MLF2: variants seen among roughly 807,000 people sequenced by gnomAD.
MLF2 encodes myeloid leukemia factor 2, also known as myelodysplasia-myeloid leukemia factor 2.
Under a neutral mutation model 31.4 loss-of-function variants are expected in MLF2, and 12 were observed. That is an observed-to-expected ratio of 0.38 (90% confidence interval 0.24 to 0.62). The LOEUF (loss-of-function observed/expected upper bound fraction) is 0.62. MLF2 is among the 20% of genes least tolerant of loss of function. The pLI is 0.58. For synonymous variants in MLF2, 109 were observed against 118.8 expected (o/e 0.92, Z 0.54); for missense variants, 272 against 359.7 (o/e 0.76, Z 1.97).
At chr12:6,751,540 G>T in intron 4 of MLF2, 101 bp downstream of exon 4, 1 of 1,305,732 alleles carries the variant, frequency 7.7e-7, no homozygotes, top group Non-Finnish European at 1.1e-6. Context: ...GAAGATTCTG[G>T]GGTTACTCAT....
chr12:6,751,396 T>C (rs142332705), intron 4 of MLF2, among the ~76,000 whole-genome samples: 3,520 of 152,164 alleles, frequency 0.023, 52 homozygotes, highest in Non-Finnish European at 0.033. Flanking sequence ...TTTCACCATG[T>C]TGGCCAGTCT....
rs775378226 is a variant in MLF2, at chr12:6,750,696, T to A, written c.270+17A>T. 5.6e-5 allele frequency: 90 copies of A among 1,613,182 alleles called. No homozygotes were observed. The highest frequency in any genetic ancestry group is 7.0e-5 in the Non-Finnish European group (83 of 1,179,330). On this transcript the variant is annotated intron_variant, in intron 5 of 8. Coordinates refer to ENST00000203630, the MANE Select transcript of MLF2 (RefSeq NM_001382226.1). This position sits in a 1 kb window ranked among gnomAD's most constrained non-coding sequence, Gnocchi z 5.3. ...CACTGAGAGCAAGGCCGGGGAAGGG[T>A]ATGGGGCAAGTCTCACCATGTTTCC...
Position 6,750,719 on chromosome 12 carries a change from T to A in MLF2, c.264A>T (p.Gly88=). 1.2e-6 allele frequency: 2 copies of A among 1,614,040 alleles called. No homozygotes were observed. The highest frequency in any genetic ancestry group is 1.7e-6 in the Non-Finnish European group (2 of 1,179,960). Residue 88 remains glycine (G), a synonymous_variant, in exon 5 of 9, where the codon GGA becomes GGT. Coordinates refer to ENST00000203630, the MANE Select transcript of MLF2 (RefSeq NM_001382226.1). This position sits in a 1 kb window ranked among gnomAD's most constrained non-coding sequence, Gnocchi z 5.3. ...DMFGMMNDMI[G]NMEHMTAGGN... ...GGTATGGGGCAAGTCTCACCATGTTTCCAATCATGTCATTCATCATCCCAA... is the reference window on the plus strand; with the variant it reads ...GGTATGGGGCAAGTCTCACCATGTTACCAATCATGTCATTCATCATCCCAA...
At position 6,749,080 on chromosome 12, in the gene MLF2, G is replaced by A. The variant is rs1016546176; in HGVS notation, c.560-98C>T. On this transcript the variant is annotated intron_variant, in intron 7 of 8. Transcript: ENST00000203630. The surrounding 1 kb of genome is among the most constrained non-coding windows in gnomAD (Gnocchi z 5.3). The stretch of plus-strand genomic sequence containing the variant: ...AGCTTTTCGGGCCAAAGCGGCGAAG[G>A]CTGAGTGTGCGTGCAGGGATGGGTG... The A allele has an allele frequency of 1.5e-6, 2 of 1,310,058 alleles. No individual in the cohort carries two copies. The highest frequency in any genetic ancestry group is 3.0e-5 in the East Asian group (1 of 33,832). 81.2% of individuals were successfully genotyped at this position (1,310,058 alleles called of 1,614,324 possible).
chr12:6,751,590 A>G, intron 4 of MLF2, 51 bp downstream of exon 4: 1 of 1,577,104 alleles, frequency 6.3e-7, no homozygotes, highest in Non-Finnish European at 8.7e-7. Context: ...ATAATATCTA[A>G]GGGTAGAGAG....
rs1160273627 is a variant in MLF2 at position 6,749,790 on chromosome 12, G to T, written c.559+58C>A. The stretch of plus-strand genomic sequence containing the variant: ...GCCCCAGAAGTGTCTATGTGTTAGG[G>T]ATGTCCACGGGAACCGGGTTAGGGG... On this transcript the variant is annotated intron_variant, in intron 7 of 8. Coordinates refer to ENST00000203630, the MANE Select transcript of MLF2 (RefSeq NM_001382226.1). This position sits in a 1 kb window ranked among gnomAD's most constrained non-coding sequence, Gnocchi z 5.3. The T allele has an allele frequency of 1.9e-6, 3 of 1,602,106 alleles. No homozygotes were observed. In the Admixed American group the frequency reaches 5.0e-5, roughly 27 times the overall value.
In MLF2 at chr12:6,749,982, C is replaced by T. The variant is rs1237996260; in HGVS notation, c.425G>A (p.Arg142Gln). 4 of 1,614,200 alleles carry T rather than the reference C, an allele frequency of 2.5e-6. No individual in the cohort carries two copies. Among genetic ancestry groups the T allele is most frequent in the East Asian group, 2.2e-5 (1 of 44,882 alleles). Residue 142 changes from arginine (R) to glutamine (Q), a missense_variant, in exon 7 of 9, where the codon CGG becomes CAG. Arg to Gln is a conservative substitution (Grantham distance 43, BLOSUM62 1). Coordinates refer to ENST00000203630, the MANE Select transcript of MLF2 (RefSeq NM_001382226.1). The surrounding 1 kb of genome is among the most constrained non-coding windows in gnomAD (Gnocchi z 5.3). ...GGIRETRRTV[R>Q]DSDSGLEQMS... Reference sequence around the variant, plus strand: ...CTGCTCCAGTCCACTGTCTGAATCCCGAACAGTCCTCCGTGTCTCCCGGAT... The same window carrying T: ...CTGCTCCAGTCCACTGTCTGAATCCTGAACAGTCCTCCGTGTCTCCCGGAT...
rs1025077365 is a variant in MLF2, at chr12:6,749,874, C to T, written c.533G>A (p.Arg178Gln). ...CTCATCCAGGTTGATATAGTCCTGCCGCTCCTCCTGGTCCCCCGTGCGATG... is the reference window on the plus strand; with the variant it reads ...CTCATCCAGGTTGATATAGTCCTGCTGCTCCTCCTGGTCCCCCGTGCGATG... Reference protein sequence around the residue: ...RNHRTGDQEERQDYINLDESE... With the variant: ...RNHRTGDQEEQQDYINLDESE... The change falls in exon 7 of 9, where the codon CGG becomes CAG. Residue 178 changes from arginine to glutamine, a missense_variant. Transcript: ENST00000203630. This position sits in a 1 kb window ranked among gnomAD's most constrained non-coding sequence, Gnocchi z 5.3. The T allele has an allele frequency of 6.8e-6, 11 of 1,614,176 alleles. No individual in the cohort carries two copies. Among genetic ancestry groups the T allele is most frequent in the African/African-American group, 1.3e-5 (1 of 75,052 alleles).
rs117967306 is a variant in MLF2, at chr12:6,750,057, G to A, written c.400-50C>T. ...ACTCAGCCGCCCCTTCCAAAGCCCT[G>A]CCTATACCATCTCAGGATAAACACA... On this transcript the variant is annotated intron_variant, in intron 6 of 8. Coordinates refer to ENST00000203630, the MANE Select transcript of MLF2 (RefSeq NM_001382226.1). The surrounding 1 kb of genome is among the most constrained non-coding windows in gnomAD (Gnocchi z 5.3). 1.2e-6 allele frequency: 2 copies of A among 1,612,124 alleles called. No individual in the cohort carries two copies. Among genetic ancestry groups the A allele is most frequent in the Non-Finnish European group, 1.7e-6 (2 of 1,178,676 alleles).
Position 6,752,733 on chromosome 12 carries a change from C to CGAGA in MLF2, c.-29+205_-29+206insTCTC. On this transcript the variant is annotated intron_variant, in intron 1 of 8. Transcript: ENST00000203630. The surrounding 1 kb of genome is among the most constrained non-coding windows in gnomAD (Gnocchi z 4.6). ...TTAATGACCCCAGTCACCCCGCCCCCTCCTTACACTCAGGCCTCCCCCAGG... is the reference window on the plus strand; with the variant it reads ...TTAATGACCCCAGTCACCCCGCCCCCGAGATCCTTACACTCAGGCCTCCCCCAGG... 2.2e-5 allele frequency: 4 copies of CGAGA among 184,910 alleles called. No homozygotes were observed. The highest frequency in any genetic ancestry group is 1.7e-4 in the Admixed American group (3 of 17,614). The allele number at this position is 184,910 out of a possible 1,614,324, so 11.5% of individuals were successfully genotyped here.
rs975134755 is a variant in MLF2, at chr12:6,750,567, A to G, written c.270+146T>C. The G allele has an allele frequency of 2.0e-6, 2 of 1,016,056 alleles. No individual in the cohort carries two copies. The highest frequency in any genetic ancestry group is 2.9e-6 in the Non-Finnish European group (2 of 679,174). 62.9% of individuals were successfully genotyped at this position (1,016,056 alleles called of 1,614,324 possible). On this transcript the variant is annotated intron_variant, in intron 5 of 8. Coordinates refer to ENST00000203630, the MANE Select transcript of MLF2 (RefSeq NM_001382226.1). The surrounding 1 kb of genome is among the most constrained non-coding windows in gnomAD (Gnocchi z 5.3). The stretch of plus-strand genomic sequence containing the variant: ...TTCAGGCAGGCATGACAGCAGGTAC[A>G]GGGTCCCAAGGCTCTCTGGTTCAAT...
In MLF2 at chr12:6,749,969, A is replaced by G. The variant is rs1177606868; in HGVS notation, c.438T>C (p.Ser146=). Residue 146 remains serine (S), a synonymous_variant, in exon 7 of 9, where the codon AGT becomes AGC. Transcript: ENST00000203630. The surrounding 1 kb of genome is among the most constrained non-coding windows in gnomAD (Gnocchi z 5.3). The part of the protein sequence containing the change: ...ETRRTVRDSD[S]GLEQMSIGHH... Reference sequence around the variant, plus strand: ...GCCCAATGGACATCTGCTCCAGTCCACTGTCTGAATCCCGAACAGTCCTCC... The same window carrying G: ...GCCCAATGGACATCTGCTCCAGTCCGCTGTCTGAATCCCGAACAGTCCTCC... The G allele has an allele frequency of 1.2e-6, 2 of 1,614,158 alleles. No individual in the cohort carries two copies. The highest frequency in any genetic ancestry group is 1.7e-5 in the Admixed American group (1 of 60,008).
chr12:6,752,423 T>A lies in MLF2; in HGVS notation c.-28-61A>T. On this transcript the variant is annotated intron_variant, in intron 1 of 8. Transcript: ENST00000203630. The surrounding 1 kb of genome is among the most constrained non-coding windows in gnomAD (Gnocchi z 4.6). ...GCCAGGGTTTTGCACACCCACTCAG[T>A]GTGGGGACTCTCAGAGCACTGTCCT... 1 of 1,343,552 alleles carries A rather than the reference T, an allele frequency of 7.4e-7. No individual in the cohort carries two copies. Among genetic ancestry groups the A allele is most frequent in the Non-Finnish European group, 1.0e-6 (1 of 963,154 alleles). The allele number at this position is 1,343,552 out of a possible 1,614,324, so 83.2% of individuals were successfully genotyped here.
In MLF2 at chr12:6,752,222, G is replaced by A; in HGVS notation, c.50+63C>T. On this transcript the variant is annotated intron_variant, in intron 2 of 8. Transcript: ENST00000203630. This position sits in a 1 kb window ranked among gnomAD's most constrained non-coding sequence, Gnocchi z 4.6. ...AACCATTCCTAGCAATGGGAACCCC[G>A]ATGTCTGCCTGAACTGCTCAGAGAC... 6.5e-7 allele frequency: 1 copy of A among 1,541,022 alleles called. No homozygotes were observed. The highest frequency in any genetic ancestry group is 1.2e-5 in the South Asian group (1 of 84,604).
Position 6,748,826 on chromosome 12 carries a change from G to C in MLF2, c.716C>G (p.Pro239Arg), listed in dbSNP as rs750755543. Reference sequence around the variant, plus strand: ...GTCATAGCGGCGGGACTGTCGGGAAGGGGAGTCCTCAGGTCCCTGGATGGC... The same window carrying C: ...GTCATAGCGGCGGGACTGTCGGGAACGGGAGTCCTCAGGTCCCTGGATGGC... Reference protein sequence around the residue: ...RLAIQGPEDSPSRQSRRYDW With the variant: ...RLAIQGPEDSRSRQSRRYDW The change falls in exon 8 of 9, where the codon CCT (proline) becomes CGT (arginine). Residue 239 changes from proline (P) to arginine (R), a missense_variant. Pro to Arg is a moderately radical substitution (Grantham distance 103, BLOSUM62 -2). Transcript: ENST00000203630. The surrounding 1 kb of genome is among the most constrained non-coding windows in gnomAD (Gnocchi z 4.6). 7.1e-6 allele frequency: 11 copies of C among 1,553,376 alleles called. No individual in the cohort carries two copies. The highest frequency in any genetic ancestry group is 7.8e-6 in the Non-Finnish European group (9 of 1,158,002).
At position 6,752,634 on chromosome 12, in the gene MLF2, G is replaced by T; in HGVS notation, c.-28-272C>A. 1 of 341,148 alleles carries T rather than the reference G, an allele frequency of 2.9e-6. No homozygotes were observed. The highest frequency in any genetic ancestry group is 2.1e-5 in the African/African-American group (1 of 47,988). 21.1% of individuals were successfully genotyped at this position (341,148 alleles called of 1,614,324 possible). On this transcript the variant is annotated intron_variant, in intron 1 of 8. Transcript: ENST00000203630. The surrounding 1 kb of genome is among the most constrained non-coding windows in gnomAD (Gnocchi z 4.6). ...CATCCTCTTCCCAAAGCTCTGGCCG[G>T]TAGCATACTCTCCCCTCCTCCCGCC...
Position 6,748,732 on chromosome 12 carries a change from C to G in MLF2, c.*25+38G>C. The G allele has an allele frequency of 7.0e-7, 1 of 1,429,592 alleles. No individual in the cohort carries two copies. Among genetic ancestry groups the G allele is most frequent in the South Asian group, 1.6e-5 (1 of 63,668 alleles). The allele number at this position is 1,429,592 out of a possible 1,614,324, so 88.6% of individuals were successfully genotyped here. On this transcript the variant is annotated intron_variant, in intron 8 of 8. Transcript: ENST00000203630. This position sits in a 1 kb window ranked among gnomAD's most constrained non-coding sequence, Gnocchi z 4.6. ...GCCTGCCTTGCAGCCGAGGACCGTC[C>G]GCAGGTGCACCCCACCCTCCTTACT...
In MLF2 at chr12:6,749,587, T is replaced by C. The variant is rs1236430188; in HGVS notation, c.559+261A>G. Among the ~76,000 whole-genome samples, 2 of 152,182 alleles carry C rather than the reference T, an allele frequency of 1.3e-5. No individual in the cohort carries two copies. The highest frequency in any genetic ancestry group is 6.5e-5 in the Admixed American group (1 of 15,282). ...GAAATTAGCTGGGCGTGGTGGCACA[T>C]GCCTGTAGTTCCAGCTACACGGGAG... is the stretch of plus-strand genomic sequence containing the variant. On this transcript the variant is annotated intron_variant, in intron 7 of 8. Coordinates refer to ENST00000203630, the MANE Select transcript of MLF2 (RefSeq NM_001382226.1). The surrounding 1 kb of genome is among the most constrained non-coding windows in gnomAD (Gnocchi z 5.3).
In MLF2 at chr12:6,751,650, C is replaced by A. The variant is rs186757005; in HGVS notation, c.207G>T (p.Met69Ile). 2 of 1,614,072 alleles carry A rather than the reference C, an allele frequency of 1.2e-6. No homozygotes were observed. The highest frequency in any genetic ancestry group is 2.2e-5 in the East Asian group (1 of 44,882). The change falls in exon 4 of 9, where the codon ATG becomes ATT. Residue 69 changes from methionine to isoleucine, a missense_variant. Physicochemically the swap from Met to Ile is conservative, Grantham distance 10. Transcript: ENST00000203630. Reference sequence around the variant, plus strand: ...GGAGATAAAGACTCACCATTCCCAGCATCCCAAAGGGGGAGACAGCTCCAG... The same window carrying A: ...GGAGATAAAGACTCACCATTCCCAGAATCCCAAAGGGGGAGACAGCTCCAG... Reference protein sequence around the residue: ...QQAGAVSPFGMLGMSGGFMDM... With the variant: ...QQAGAVSPFGILGMSGGFMDM...
Sources: allele counts gnomAD v4.1 joint callset (sites outside exome capture counted in the v4.1 genomes callset), GRCh38; gene constraint gnomAD v4.1.1; non-coding constraint Gnocchi (gnomAD v3.1); transcripts MANE v1.5; gene names NCBI Gene and HGNC (gene_info 2026-07-23, HGNC 2026-07-21).